The following ZBTB1 variants were observed in gnomAD, a reference collection of about 807,000 sequenced individuals.
ZBTB1 encodes the protein zinc finger and BTB domain-containing protein 1.
In ZBTB1, 13 loss-of-function variants were observed where a neutral mutation model predicts 51.6. That is an observed-to-expected ratio of 0.25 (90% CI 0.16 to 0.40). The LOEUF (loss-of-function observed/expected upper bound fraction) is 0.40. ZBTB1 is among the 10% of genes least tolerant of loss of function. The probability of loss-of-function intolerance (pLI) is 1.00; values close to 1 mark genes in which losing one functional copy is unlikely to be tolerated. For synonymous variants in ZBTB1, 240 were observed against 282.2 expected (o/e 0.85, Z 1.50); for missense variants, 567 against 856.5 (o/e 0.66, Z 4.22).
rs929083645 is a variant in ZBTB1, at chr14:64,523,730, A to G, written c.*84A>G. On this transcript the variant is annotated 3_prime_UTR_variant, in exon 2 of 2. Transcript: ENST00000683701. The surrounding 1 kb of genome is among the most constrained non-coding windows in gnomAD (Gnocchi z 4.5). Reference sequence around the variant, plus strand: ...TATGAGCTATTTAGGAATTGATTATATAAGATGATTTGTTAGAAACAAATT... The same window carrying G: ...TATGAGCTATTTAGGAATTGATTATGTAAGATGATTTGTTAGAAACAAATT... 2.1e-5 allele frequency: 30 copies of G among 1,400,062 alleles called. No homozygotes were observed. The African/African-American group carries it at 3.9e-4, about 18-fold the overall frequency. 86.7% of individuals were successfully genotyped at this position (1,400,062 alleles called of 1,614,324 possible).
At position 64,522,068 on chromosome 14, in the gene ZBTB1, A is replaced by G. The variant is rs61745651; in HGVS notation, c.564A>G (p.Pro188=). ...ESLQLGNFPE[P]LFDVCKKSSV... The stretch of plus-strand genomic sequence containing the variant: ...TACAATTAGGTAATTTTCCTGAGCC[A>G]CTATTTGATGTATGTAAAAAAAGTT... The change falls in exon 2 of 2, where the codon CCA becomes CCG. Residue 188 remains proline, a synonymous_variant. Coordinates refer to ENST00000683701, the MANE Select transcript of ZBTB1 (RefSeq NM_001123329.2). The G allele has an allele frequency of 2.3e-3, 3,676 of 1,614,212 alleles. 91 individuals carry two copies. The African/African-American group carries it at 0.045, about 20-fold the overall frequency.
intron 1 of ZBTB1, among the ~76,000 whole-genome samples, chr14:64,506,987 C>T (rs1163541509): frequency 2.0e-5 from 3 of 152,190 alleles, no homozygotes; most frequent in Admixed American, 2.0e-4. Context: ...AGTTCATCGA[C>T]CTTTTTAAGA....
chr14:64,504,229 G>A (rs1292795466), upstream of ZBTB1: 2 of 152,108 alleles, frequency 1.3e-5, no homozygotes, highest in Admixed American at 1.3e-4. Context: ...GTGACTCAGG[G>A]CCAGAGGCAG....
chr14:64,513,377 G>C (rs2079746550), intron 1 of ZBTB1, among the ~76,000 whole-genome samples: 1 of 152,090 alleles, frequency 6.6e-6, no homozygotes, highest in African/African-American at 2.4e-5. Context: ...TTGTATTACA[G>C]TTGTCATTTA....
chr14:64,504,931 G>A lies in ZBTB1; in HGVS notation c.-34G>A. 2.5e-6 allele frequency: 1 copy of A among 395,828 alleles called. No homozygotes were observed. The highest frequency in any genetic ancestry group is 3.6e-5 in the East Asian group (1 of 27,918). 24.5% of individuals were successfully genotyped at this position (395,828 alleles called of 1,614,324 possible). ...ACTCCCTAAAATCTCCGCAGCTCTG[G>A]TTCCTGTTGCGGCCGGTAAGTATTT... On this transcript the variant is annotated 5_prime_UTR_variant, in exon 1 of 2. Transcript: ENST00000683701.
intron 1 of ZBTB1, among the ~76,000 whole-genome samples, chr14:64,510,139 G>T (rs1044495888): frequency 6.6e-6 from 1 of 152,092 alleles, no homozygotes; most frequent in Non-Finnish European, 1.5e-5. Flanking sequence ...CCTTAAAGTT[G>T]CTCACAATCT....
Position 64,523,936 on chromosome 14 carries a change from A to T in ZBTB1, c.*290A>T, listed in dbSNP as rs1183533425. The T allele has an allele frequency of 6.6e-6, 7 of 1,068,510 alleles. No individual in the cohort carries two copies. The African/African-American group carries it at 1.2e-4, about 18-fold the overall frequency. The allele number at this position is 1,068,510 out of a possible 1,614,324, so 66.2% of individuals were successfully genotyped here. The stretch of plus-strand genomic sequence containing the variant: ...TTGTTACCCATTCAATGACTATTAA[A>T]CTTTAGTTTTTCATCAATAAGGTGA... On this transcript the variant is annotated 3_prime_UTR_variant, in exon 2 of 2. Transcript: ENST00000683701. This position sits in a 1 kb window ranked among gnomAD's most constrained non-coding sequence, Gnocchi z 4.5.
chr14:64,519,655 A>G lies in ZBTB1; in HGVS notation c.-18-1832A>G, dbSNP rs577432273. On this transcript the variant is annotated intron_variant, in intron 1 of 1. Coordinates refer to ENST00000683701, the MANE Select transcript of ZBTB1 (RefSeq NM_001123329.2). ...AAACTGAATGTGGTGGCATGTGCCTACAGTCCCAGCTACTCTGGATGCTGT... is the reference window on the plus strand; with the variant it reads ...AAACTGAATGTGGTGGCATGTGCCTGCAGTCCCAGCTACTCTGGATGCTGT... Among the ~76,000 whole-genome samples the G allele has an allele frequency of 5.9e-5, 9 of 151,264 alleles. No homozygotes were observed. The South Asian group carries it at 1.7e-3, about 28-fold the overall frequency.
downstream of ZBTB1, among the ~76,000 whole-genome samples, chr14:64,527,106 G>A (rs2079909012): frequency 6.6e-6 from 1 of 151,812 alleles, no homozygotes; most frequent in Non-Finnish European, 1.5e-5. Flanking sequence ...AACAGTTTGA[G>A]TATGGACAAA....
exon 3 of ZBTB1, chr14:64,532,018 C>T (rs937557145): frequency 2.0e-5 from 24 of 1,217,582 alleles, no homozygotes; most frequent in Non-Finnish European, 2.5e-5. Flanking sequence ...TGACAAACTT[C>T]CATCAACCCA....
chr14:64,517,179 C>G (rs1390015148), intron 1 of ZBTB1, among the ~76,000 whole-genome samples: 1 of 152,196 alleles, frequency 6.6e-6, no homozygotes, highest in Non-Finnish European at 1.5e-5. Context: ...ACATGCCAAG[C>G]ACGATGCATT....
chr14:64,533,299 G>A lies in ZBTB1; in HGVS notation c.*1402G>A, dbSNP rs535900016. Reference sequence around the variant, plus strand: ...CAAATAAGCCTAGGGAAATATTAGAGTCTAAAAAACCCTAGAGTTAATCTC... The same window carrying A: ...CAAATAAGCCTAGGGAAATATTAGAATCTAAAAAACCCTAGAGTTAATCTC... On this transcript the variant is annotated 3_prime_UTR_variant, in exon 3 of 3. Transcript: ENST00000358738. 12 of 152,214 alleles carry A rather than the reference G, an allele frequency of 7.9e-5. No individual in the cohort carries two copies. In the East Asian group the frequency reaches 2.1e-3, roughly 27 times the overall value. The allele number at this position is 152,214 out of a possible 1,614,324, so 9.4% of individuals were successfully genotyped here.
intron 1 of ZBTB1, among the ~76,000 whole-genome samples, chr14:64,506,059 A>C (rs2079649820): frequency 6.6e-6 from 1 of 152,236 alleles, no homozygotes; most frequent in South Asian, 2.1e-4. Flanking sequence ...GTGCAGATAG[A>C]TATGATGTGG....
downstream of ZBTB1, among the ~76,000 whole-genome samples, chr14:64,525,168 T>A (rs2079894830): frequency 6.6e-6 from 1 of 152,020 alleles, no homozygotes; most frequent in Non-Finnish European, 1.5e-5. Flanking sequence ...TACTGGTGAG[T>A]ACAGATTTAG....
intron 1 of ZBTB1, chr14:64,516,547 G>T (rs986485233): frequency 1.3e-5 from 2 of 152,218 alleles, no homozygotes; most frequent in Non-Finnish European, 2.9e-5. Flanking sequence ...TGGATGCAGT[G>T]GGATTCACAC....
intron 1 of ZBTB1, among the ~76,000 whole-genome samples, chr14:64,514,589 A>AAG (rs2079760648): frequency 6.6e-6 from 1 of 152,220 alleles, no homozygotes. Flanking sequence ...AAATCTTACT[A>AAG]TGTCAGTGAG....
intron 1 of ZBTB1, among the ~76,000 whole-genome samples, chr14:64,507,686 GGCT>G (rs1204991683): frequency 6.6e-6 from 1 of 152,058 alleles, no homozygotes; most frequent in Non-Finnish European, 1.5e-5. Context: ...TGATTAACTG[GGCT>G]GCTATTTTAG....
intron 2 of ZBTB1, among the ~76,000 whole-genome samples, chr14:64,530,439 C>G (rs879381579): frequency 6.6e-6 from 1 of 152,024 alleles, no homozygotes. Context: ...TGAAACCTCT[C>G]TACTAAAAAT....
intron 2 of ZBTB1, among the ~76,000 whole-genome samples, chr14:64,530,713 C>T (rs1294649728): frequency 6.6e-6 from 1 of 152,070 alleles, no homozygotes; most frequent in Non-Finnish European, 1.5e-5. Context: ...TTAAGTTGTT[C>T]TCTTATTCAG....
Sources: gnomAD v4.1 joint callset for allele counts (sites outside exome capture counted in the v4.1 genomes callset) on GRCh38, gnomAD v4.1.1 for gene constraint, Gnocchi (gnomAD v3.1) non-coding constraint, MANE v1.5 for transcripts, NCBI Gene and HGNC (gene_info 2026-07-23, HGNC 2026-07-21) for gene names.